LIPA: variants seen among roughly 807,000 people sequenced by gnomAD.
LIPA encodes the protein lipase A, lysosomal acid type.
In LIPA, 26 loss-of-function variants were observed where a neutral mutation model predicts 40.6. The observed-to-expected ratio is 0.64, with a 90% CI of 0.47 to 0.89. The LOEUF (loss-of-function observed/expected upper bound fraction) is 0.89. Ranked by LOEUF, LIPA falls within the 40% of genes least tolerant of loss-of-function variation. The pLI is 0.00. For missense variants in LIPA, 455 were observed against 479.6 expected (o/e 0.95, Z 0.48); for synonymous variants, 188 against 168.4 (o/e 1.12, Z -0.90).
At chr10:89,334,039 G>A (rs1843691393) in intron 1 of LIPA, among the ~76,000 whole-genome samples, 1 of 152,216 alleles carries the variant, frequency 6.6e-6, no homozygotes, top group East Asian at 1.9e-4. Context: ...GTCAGTTGGA[G>A]CATAACCAGC....
Position 89,214,806 on chromosome 10 carries a change from G to T in LIPA, c.*22C>A. ...ACATGACATAATCATTGACTTGGTG[G>T]TACACAGCTCAAGTCCAGCTTTCAC... is the stretch of plus-strand genomic sequence containing the variant. On this transcript the variant is annotated 3_prime_UTR_variant, in exon 10 of 10. Transcript: ENST00000336233. 1.5e-6 allele frequency: 2 copies of T among 1,330,234 alleles called. No homozygotes were observed. The highest frequency in any genetic ancestry group is 1.1e-6 in the Non-Finnish European group (1 of 922,086). 82.4% of individuals were successfully genotyped at this position (1,330,234 alleles called of 1,614,324 possible).
chr10:89,243,767 A>G (rs777651152), intron 3 of LIPA, among the ~76,000 whole-genome samples: 17 of 152,198 alleles, frequency 1.1e-4, no homozygotes, highest in Admixed American at 2.6e-4. Flanking sequence ...ACACACAGGT[A>G]GGGCATGTGA....
chr10:89,379,153 C>G (rs1385060952), intron 2 of LIPA, among the ~76,000 whole-genome samples: 1 of 152,170 alleles, frequency 6.6e-6, no homozygotes, highest in Non-Finnish European at 1.5e-5. Flanking sequence ...GATACCAAGT[C>G]AAATTTTGTG....
At chr10:89,286,482 A>G (rs1843342017) in intron 1 of LIPA, among the ~76,000 whole-genome samples, 1 of 152,056 alleles carries the variant, frequency 6.6e-6, no homozygotes, top group Non-Finnish European at 1.5e-5. Flanking sequence ...CTGCCCAGCA[A>G]TTTCCTCTTA....
At chr10:89,257,047 C>CA (rs1390154582) in intron 1 of LIPA, among the ~76,000 whole-genome samples, 7 of 152,136 alleles carry the variant, frequency 4.6e-5, no homozygotes, top group Non-Finnish European at 1.0e-4. Context: ...TTTTTAAAGG[C>CA]AAAATGAGAA....
chr10:89,398,101 A>C lies in LIPA; in HGVS notation c.61+14690T>G, dbSNP rs190633461. Among the ~76,000 whole-genome samples, 5 of 152,314 alleles carry C rather than the reference A, an allele frequency of 3.3e-5. No homozygotes were observed. In the East Asian group the frequency reaches 9.6e-4, roughly 29 times the overall value. On this transcript the variant is annotated intron_variant, in intron 2 of 8. Coordinates refer to the LIPA transcript ENST00000371837. ...CCCTCCTCCCCCAGTGTGGAGGATC[A>C]GTCAGAGTGACGGGAAAAACTATAG... is the stretch of plus-strand genomic sequence containing the variant.
chr10:89,331,687 C>T (rs1843652654), intron 1 of LIPA, among the ~76,000 whole-genome samples: 1 of 151,494 alleles, frequency 6.6e-6, no homozygotes, highest in Non-Finnish European at 1.5e-5. Context: ...AGTGAGACCC[C>T]GTCTGTACTA....
chr10:89,312,478 A>G (rs1473227469), intron 1 of LIPA, among the ~76,000 whole-genome samples: 1 of 152,022 alleles, frequency 6.6e-6, no homozygotes, highest in Non-Finnish European at 1.5e-5. Context: ...TTCAATAAAG[A>G]CTTTCTAGAA....
chr10:89,337,389 T>C (rs1036659568), intron 1 of LIPA, among the ~76,000 whole-genome samples: 1 of 152,182 alleles, frequency 6.6e-6, no homozygotes, highest in African/African-American at 2.4e-5. Flanking sequence ...TGGTATTTTT[T>C]AATTTTTATT....
intron 1 of LIPA, among the ~76,000 whole-genome samples, chr10:89,314,391 C>G (rs1201303509): frequency 6.6e-6 from 1 of 152,216 alleles, no homozygotes; most frequent in Non-Finnish European, 1.5e-5. Context: ...AATTTATGCC[C>G]GAGCGCAGTG....
intron 1 of LIPA, among the ~76,000 whole-genome samples, chr10:89,271,686 T>G (rs575056628): frequency 2.6e-5 from 4 of 152,282 alleles, no homozygotes; most frequent in African/African-American, 9.6e-5. Flanking sequence ...AATGAAGGTA[T>G]GGGACAGCTC....
intron 2 of LIPA, among the ~76,000 whole-genome samples, chr10:89,407,206 A>C: frequency 6.6e-6 from 1 of 152,140 alleles, no homozygotes; most frequent in East Asian, 1.9e-4. Flanking sequence ...TGAAACTCTC[A>C]AAGTCATGTC....
intron 3 of LIPA, among the ~76,000 whole-genome samples, chr10:89,237,913 C>T (rs954858147): frequency 1.3e-5 from 2 of 152,150 alleles, no homozygotes; most frequent in African/African-American, 2.4e-5. Flanking sequence ...ACCTTTAAGG[C>T]TCATTACACA....
rs1161945648 is a variant in LIPA, at chr10:89,361,231, C to T, written c.61+51560G>A. ...CATAAAGGAGTAGTTGGCTCAAAAGCTGCTCCTAACCAATTCTCTTTTGGC... is the reference window on the plus strand; with the variant it reads ...CATAAAGGAGTAGTTGGCTCAAAAGTTGCTCCTAACCAATTCTCTTTTGGC... On this transcript the variant is annotated intron_variant, in intron 2 of 8. Transcript: ENST00000371837. Among the ~76,000 whole-genome samples, 3 of 152,166 alleles carry T rather than the reference C, an allele frequency of 2.0e-5. No individual in the cohort carries two copies. In the East Asian group the frequency reaches 5.8e-4, roughly 29 times the overall value.
At chr10:89,324,376 C>T (rs1445151742) in intron 1 of LIPA, among the ~76,000 whole-genome samples, 1 of 152,092 alleles carries the variant, frequency 6.6e-6, no homozygotes, top group African/African-American at 2.4e-5. Flanking sequence ...TGGAAATCAA[C>T]TCAAGATGGA....
chr10:89,283,018 GC>G (rs1408416199), intron 1 of LIPA, among the ~76,000 whole-genome samples: 1 of 152,190 alleles, frequency 6.6e-6, no homozygotes, highest in African/African-American at 2.4e-5. Context: ...AAAGCCCTGA[GC>G]AAAAATTCTC....
intron 2 of LIPA, among the ~76,000 whole-genome samples, chr10:89,400,823 A>G (rs1164994256): frequency 6.6e-6 from 1 of 152,198 alleles, no homozygotes; most frequent in African/African-American, 2.4e-5. Context: ...TGAAAGGAGC[A>G]TCTTACCTCA....
At chr10:89,330,257 T>C (rs1240415157) in intron 1 of LIPA, among the ~76,000 whole-genome samples, 1 of 152,218 alleles carries the variant, frequency 6.6e-6, no homozygotes, top group African/African-American at 2.4e-5. Flanking sequence ...AGAGCTATTA[T>C]TTCTATTATT....
chr10:89,389,693 A>C (rs528477956), intron 2 of LIPA, among the ~76,000 whole-genome samples: 1 of 152,206 alleles, frequency 6.6e-6, no homozygotes, highest in Non-Finnish European at 1.5e-5. Context: ...TCATATTATA[A>C]TTTTTAAAAA....
Sources: gnomAD v4.1 joint callset for allele counts (sites outside exome capture counted in the v4.1 genomes callset) on GRCh38, gnomAD v4.1.1 for gene constraint, MANE v1.5 for transcripts, NCBI Gene and HGNC (gene_info 2026-07-23, HGNC 2026-07-21) for gene names.